The following USH2A variants were observed in gnomAD, a reference collection of about 807,000 sequenced individuals.
The protein encoded by USH2A is usherin, also known as Usher syndrome 2A (autosomal recessive, mild).
A neutral mutation model predicts 538.9 loss-of-function variants in USH2A; 443 were observed. The ratio of observed to expected loss-of-function variants is 0.82; its 90% CI spans 0.76 to 0.89. USH2A has a LOEUF of 0.89. Among genes scored for constraint, USH2A ranks in the 40% least tolerant of loss-of-function variants. The probability of loss-of-function intolerance (pLI) is 0.00; values close to 1 mark genes in which losing one functional copy is unlikely to be tolerated. For synonymous variants in USH2A, 2,413 were observed against 2,273.5 expected (o/e 1.06, Z -1.75); for missense variants, 6,633 against 6,324.8 (o/e 1.05, Z -1.65).
chr1:215,831,143 G>C (rs1663302926), intron 47 of USH2A, among the ~76,000 whole-genome samples: 1 of 152,042 alleles, frequency 6.6e-6, no homozygotes, highest in African/African-American at 2.4e-5. Flanking sequence ...AATGATACAA[G>C]AGCCAGTTTA....
chr1:215,862,334 T>C (rs1296898090), intron 44 of USH2A, among the ~76,000 whole-genome samples: 8 of 151,994 alleles, frequency 5.3e-5, no homozygotes, highest in Non-Finnish European at 8.8e-5. Flanking sequence ...AAACACCGCA[T>C]GTTCTCACTC....
chr1:215,835,302 G>C (rs974720447), intron 47 of USH2A, among the ~76,000 whole-genome samples: 1 of 151,794 alleles, frequency 6.6e-6, no homozygotes, highest in African/African-American at 2.4e-5. Flanking sequence ...GCTATTATCT[G>C]GAGGTATTTT....
chr1:216,362,192 A>T (rs1319488841), intron 4 of USH2A, among the ~76,000 whole-genome samples: 1 of 152,288 alleles, frequency 6.6e-6, no homozygotes, highest in South Asian at 2.1e-4. Flanking sequence ...CCATCAAAAA[A>T]CTGAAGAAAA....
intron 4 of USH2A, among the ~76,000 whole-genome samples, chr1:216,346,532 C>T (rs190695217): frequency 5.9e-5 from 9 of 152,108 alleles, no homozygotes; most frequent in Admixed American, 4.6e-4. Context: ...TGGCTAATGG[C>T]AGTTATGGAA....
intron 61 of USH2A, among the ~76,000 whole-genome samples, chr1:215,709,032 G>A (rs939248324): frequency 6.6e-6 from 1 of 152,162 alleles, no homozygotes; most frequent in Non-Finnish European, 1.5e-5. Context: ...TAAATGGCCA[G>A]TCTGATTCTC....
intron 20 of USH2A, among the ~76,000 whole-genome samples, chr1:216,189,203 G>T (rs552144542): frequency 1.9e-4 from 29 of 151,532 alleles, no homozygotes; most frequent in African/African-American, 6.5e-4. Context: ...TTGCATTAAT[G>T]AAAATTTTGA....
At chr1:216,255,929 A>C (rs1279119830) in intron 11 of USH2A, among the ~76,000 whole-genome samples, 2 of 152,140 alleles carry the variant, frequency 1.3e-5, no homozygotes, top group Admixed American at 6.6e-5. Context: ...AATATTAAGA[A>C]TTGTTATGTC....
intron 4 of USH2A, among the ~76,000 whole-genome samples, chr1:216,345,702 T>C (rs1013707426): frequency 1.2e-4 from 19 of 152,052 alleles, no homozygotes; most frequent in Admixed American, 4.6e-4. Flanking sequence ...GAAAGAGGGG[T>C]ACCTTAGGAT....
At position 215,900,823 on chromosome 1, in the gene USH2A, A is replaced by G. The variant is rs1310804521; in HGVS notation, c.7383T>C (p.Asn2461=). Residue 2461 remains asparagine (N), a synonymous_variant, in exon 39 of 72, where the codon AAT becomes AAC. Coordinates refer to ENST00000307340, the MANE Select transcript of USH2A (RefSeq NM_206933.4). ...GGTATCTGGGAGAGCCAGGAGCGTT[A>G]TTACGAGCTGGTGTAGACCAGACAA... ...LQVVWSTPAR[N]NAPGSPRYQL... is the part of the protein sequence containing the mutation. 4 of 1,613,750 alleles carry G rather than the reference A, an allele frequency of 2.5e-6. No homozygotes were observed. Among genetic ancestry groups the G allele is most frequent in the Non-Finnish European group, 3.4e-6 (4 of 1,179,830 alleles).
chr1:216,015,750 G>T (rs761804089), intron 32 of USH2A, among the ~76,000 whole-genome samples: 75 of 152,274 alleles, frequency 4.9e-4, no homozygotes, highest in Middle Eastern at 6.8e-3. Flanking sequence ...GTTTTGATTT[G>T]CATTTCTCTG....
At chr1:216,112,704 G>A (rs945874900) in intron 21 of USH2A, among the ~76,000 whole-genome samples, 1 of 152,042 alleles carries the variant, frequency 6.6e-6, no homozygotes, top group Non-Finnish European at 1.5e-5. Context: ...GTGAGAATGT[G>A]CAGTATTTAG....
chr1:215,783,315 A>G (rs150503898), intron 52 of USH2A, among the ~76,000 whole-genome samples: 2 of 152,192 alleles, frequency 1.3e-5, no homozygotes, highest in Non-Finnish European at 2.9e-5. Flanking sequence ...AGTATCATAG[A>G]ACTTATAAAT....
intron 69 of USH2A, among the ~76,000 whole-genome samples, chr1:215,638,904 G>C (rs1172758040): frequency 1.3e-5 from 2 of 151,556 alleles, no homozygotes; most frequent in Non-Finnish European, 2.9e-5. Context: ...CTTGAACCCA[G>C]GAGGTGGAGG....
intron 44 of USH2A, among the ~76,000 whole-genome samples, chr1:215,856,440 A>G (rs1389916153): frequency 3.9e-5 from 6 of 152,190 alleles, no homozygotes. Flanking sequence ...CAAAAAACAT[A>G]TGAAAAATAC....
chr1:215,788,783 T>A (rs1022668261), intron 51 of USH2A, among the ~76,000 whole-genome samples: 2 of 152,156 alleles, frequency 1.3e-5, no homozygotes, highest in African/African-American at 4.8e-5. Flanking sequence ...TGGAATTGTA[T>A]ATCAGACCAA....
intron 30 of USH2A, among the ~76,000 whole-genome samples, chr1:216,050,654 G>C (rs1020118341): frequency 1.8e-4 from 25 of 137,942 alleles, no homozygotes; most frequent in Non-Finnish European, 2.0e-4. Flanking sequence ...GCCCAGGCTG[G>C]AGTGCTGTGG....
Position 216,127,946 on chromosome 1 carries a change from A to G in USH2A, c.4628-30733T>C, listed in dbSNP as rs554525338. On this transcript the variant is annotated intron_variant, in intron 21 of 71. Transcript: ENST00000307340. ...GCTGATTAGAAGTCAGATGTAGCTC[A>G]GGATGAGTAACATCAGGGATTCTGG... 4.6e-5 allele frequency among the ~76,000 whole-genome samples: 7 copies of G among 152,318 alleles called. No individual in the cohort carries two copies. In the South Asian group the frequency reaches 1.4e-3, roughly 32 times the overall value.
Position 215,674,272 on chromosome 1 carries a change from C to G in USH2A, c.13639G>C (p.Glu4547Gln). Residue 4547 changes from glutamate to glutamine, a missense_variant, in exon 63 of 72, where the codon GAG (glutamate) becomes CAG (glutamine). Physicochemically the swap from Glu to Gln is conservative, Grantham distance 29 (BLOSUM62 2). Transcript: ENST00000307340. Reference protein sequence around the residue: ...PPKLQARGPQEILVNWDPPVR... With the variant: ...PPKLQARGPQQILVNWDPPVR... ...GGAGGGTCCCAGTTCACTAAGATCT[C>G]CTGAGGACCCCTGGCCTGCAATTTT... 6.2e-7 allele frequency: 1 copy of G among 1,614,118 alleles called. No homozygotes were observed. The highest frequency in any genetic ancestry group is 2.2e-5 in the East Asian group (1 of 44,876).
At chr1:216,196,497 G>A (rs551322285) in intron 19 of USH2A, 56 bp downstream of exon 19, 1 of 1,594,812 alleles carries the variant, frequency 6.3e-7, no homozygotes, top group Non-Finnish European at 8.6e-7. Context: ...CTCAAAAAAT[G>A]TCCAAATGAA....
Sources: allele counts gnomAD v4.1 joint callset (sites outside exome capture counted in the v4.1 genomes callset), GRCh38; gene constraint gnomAD v4.1.1; transcripts MANE v1.5; gene names NCBI Gene and HGNC (gene_info 2026-07-23, HGNC 2026-07-21).